Variants in NELL1 observed in about 807,000 individuals in gnomAD.
The protein encoded by NELL1 is neural EGFL like 1.
In NELL1, 76 loss-of-function variants were observed where a neutral mutation model predicts 107.4. The observed-to-expected ratio is 0.71, with a 90% confidence interval of 0.59 to 0.86. The LOEUF (loss-of-function observed/expected upper bound fraction) is 0.86, where lower values mean the gene tolerates loss of function less well. Among genes scored for constraint, NELL1 ranks in the 40% least tolerant of loss-of-function variants. NELL1 has a pLI of 0.00. For missense variants in NELL1, 1,024 were observed against 1,005.5 expected, an observed-to-expected ratio of 1.02 and a Z score of -0.25; for synonymous variants, 353 against 341.2, an observed-to-expected ratio of 1.03 and a Z score of -0.38.
At chr11:21,043,571 A>G (rs1019227672) in intron 12 of NELL1, among the ~76,000 whole-genome samples, 1 of 152,130 alleles carries the variant, frequency 6.6e-6, no homozygotes, top group Non-Finnish European at 1.5e-5. Context: ...CTAGTAAAGG[A>G]TTCTAAGCAG....
At chr11:21,410,029 A>G (rs1362648736) in intron 15 of NELL1, among the ~76,000 whole-genome samples, 1 of 152,104 alleles carries the variant, frequency 6.6e-6, no homozygotes, top group Non-Finnish European at 1.5e-5. Flanking sequence ...CACAATAATC[A>G]CACATTTCAG....
At chr11:20,819,288 G>A (rs192918731) in intron 3 of NELL1, among the ~76,000 whole-genome samples, 1 of 152,278 alleles carries the variant, frequency 6.6e-6, no homozygotes, top group East Asian at 1.9e-4. Context: ...GAACATAGTG[G>A]AACAGGTGAG....
At chr11:21,459,299 T>C (rs538248243) in intron 15 of NELL1, among the ~76,000 whole-genome samples, 1 of 140,142 alleles carries the variant, frequency 7.1e-6, no homozygotes, top group East Asian at 2.2e-4. Context: ...CCTGCCATGG[T>C]TCAGGAGAAA....
chr11:21,366,275 A>G (rs1590872652), intron 14 of NELL1, among the ~76,000 whole-genome samples: 1 of 152,158 alleles, frequency 6.6e-6, no homozygotes, highest in East Asian at 1.9e-4. Context: ...TCATTAAAGA[A>G]GTAAGGAAAA....
At chr11:21,458,935 G>GACAC (rs5790189) in intron 15 of NELL1, among the ~76,000 whole-genome samples, 105,443 of 151,162 alleles carry the variant, frequency 0.7, 38,853 homozygotes, top group Middle Eastern at 0.84. Flanking sequence ...AATATTTAGA[G>GACAC]ATAATTTTGT....
chr11:20,861,505 A>G (rs1048419885), intron 4 of NELL1, among the ~76,000 whole-genome samples: 1 of 152,108 alleles, frequency 6.6e-6, no homozygotes, highest in Non-Finnish European at 1.5e-5. Context: ...GTCACACAGC[A>G]GTGACTATAG....
Position 21,406,212 on chromosome 11 carries a change from A to C in NELL1, c.1645+35264A>C, listed in dbSNP as rs186206155. Among the ~76,000 whole-genome samples, 195 of 152,120 alleles carry C rather than the reference A, an allele frequency of 1.3e-3. 5 individuals carry two copies. In the South Asian group the frequency reaches 0.039, roughly 30 times the overall value. ...TAGGCAGATTAGCAATACTGGGCTG[A>C]ATGATTTTATTCTTGCTGTTCTTCA... On this transcript the variant is annotated intron_variant, in intron 15 of 19. Transcript: ENST00000357134.
chr11:21,167,884 C>T (rs1856519788), intron 13 of NELL1, among the ~76,000 whole-genome samples: 1 of 151,704 alleles, frequency 6.6e-6, no homozygotes, highest in African/African-American at 2.4e-5. Flanking sequence ...GACCACTTAC[C>T]TACAGAAAAC....
At chr11:20,975,712 A>T (rs1440082079) in intron 12 of NELL1, among the ~76,000 whole-genome samples, 2 of 106,784 alleles carry the variant, frequency 1.9e-5, no homozygotes, top group Non-Finnish European at 3.7e-5. Context: ...TATAATATAC[A>T]TATTATATAT....
chr11:21,013,935 A>C (rs1201798560), intron 12 of NELL1, among the ~76,000 whole-genome samples: 1 of 152,006 alleles, frequency 6.6e-6, no homozygotes. Flanking sequence ...ATTTTTTTAG[A>C]ATATCCCTCA....
intron 16 of NELL1, among the ~76,000 whole-genome samples, chr11:21,554,918 C>A (rs141532493): frequency 6.6e-6 from 1 of 151,858 alleles, no homozygotes; most frequent in African/African-American, 2.4e-5. Flanking sequence ...AACTGGTATC[C>A]GCAGTTTCTG....
chr11:20,997,502 AAT>A (rs890535542), intron 12 of NELL1, among the ~76,000 whole-genome samples: 1 of 152,174 alleles, frequency 6.6e-6, no homozygotes, highest in Non-Finnish European at 1.5e-5. Flanking sequence ...GTGGAATATG[AAT>A]ATAATTTGGA....
chr11:21,318,137 A>G (rs1359622048), intron 14 of NELL1, among the ~76,000 whole-genome samples: 1 of 152,198 alleles, frequency 6.6e-6, no homozygotes, highest in Non-Finnish European at 1.5e-5. Flanking sequence ...CTATAAGGAT[A>G]TTAATTTGTT....
chr11:21,562,439 T>C (rs1856871392), intron 17 of NELL1, among the ~76,000 whole-genome samples: 1 of 152,064 alleles, frequency 6.6e-6, no homozygotes, highest in African/African-American at 2.4e-5. Flanking sequence ...GTGTTCTACA[T>C]GTACTCATTG....
At chr11:21,278,878 C>T (rs926908407) in intron 14 of NELL1, among the ~76,000 whole-genome samples, 2 of 152,054 alleles carry the variant, frequency 1.3e-5, no homozygotes, top group African/African-American at 4.8e-5. Flanking sequence ...GATGTGAAGA[C>T]TTACTATGAA....
At chr11:21,353,877 C>T (rs1473319355) in intron 14 of NELL1, among the ~76,000 whole-genome samples, 1 of 152,070 alleles carries the variant, frequency 6.6e-6, no homozygotes, top group Non-Finnish European at 1.5e-5. Context: ...GACTGTTAAC[C>T]CCATAAATTA....
intron 14 of NELL1, among the ~76,000 whole-genome samples, chr11:21,321,402 TG>T (rs924806853): frequency 6.7e-6 from 1 of 150,324 alleles, no homozygotes; most frequent in African/African-American, 2.5e-5. Flanking sequence ...TGCTAGAGGG[TG>T]GGGGGCTGCG....
chr11:20,771,466 A>G (rs1720503268), intron 2 of NELL1, among the ~76,000 whole-genome samples: 1 of 152,228 alleles, frequency 6.6e-6, no homozygotes, highest in Non-Finnish European at 1.5e-5. Flanking sequence ...GTGTGAGAGA[A>G]GACAATTTCT....
At chr11:21,530,761 T>C (rs974331511) in intron 15 of NELL1, among the ~76,000 whole-genome samples, 1 of 152,114 alleles carries the variant, frequency 6.6e-6, no homozygotes, top group Non-Finnish European at 1.5e-5. Context: ...TTAAATTTAC[T>C]TTTTCTTTAG....
Sources: allele counts gnomAD v4.1 joint callset (sites outside exome capture counted in the v4.1 genomes callset), GRCh38; gene constraint gnomAD v4.1.1; transcripts MANE v1.5; gene names NCBI Gene and HGNC (gene_info 2026-07-23, HGNC 2026-07-21).